The following FSTL5 variants were observed in gnomAD, a reference collection of about 807,000 sequenced individuals.
The protein encoded by FSTL5 is follistatin like 5.
Under a neutral mutation model 89.1 loss-of-function variants are expected in FSTL5, and 62 were observed. That is an observed-to-expected ratio of 0.70 (90% CI 0.57 to 0.86). The LOEUF is 0.86. Among genes scored for constraint, FSTL5 ranks in the 40% least tolerant of loss-of-function variants. FSTL5 has a pLI of 0.00. For synonymous variants in FSTL5, 383 were observed against 346.2 expected, an observed-to-expected ratio of 1.11 and a Z score of -1.18; for missense variants, 1,057 against 1,001.6, an observed-to-expected ratio of 1.06 and a Z score of -0.75.
chr4:161,729,074 A>G (rs1282950761), intron 6 of FSTL5, among the ~76,000 whole-genome samples: 2 of 152,092 alleles, frequency 1.3e-5, no homozygotes, highest in East Asian at 3.9e-4. Flanking sequence ...AGGCCAGCTG[A>G]GCCTGACTCT....
At chr4:162,132,766 T>G (rs190825544) in intron 1 of FSTL5, among the ~76,000 whole-genome samples, 1 of 152,344 alleles carries the variant, frequency 6.6e-6, no homozygotes, top group East Asian at 1.9e-4. Flanking sequence ...CCATCTGCTC[T>G]CCAGGTGAAG....
intron 7 of FSTL5, among the ~76,000 whole-genome samples, chr4:161,615,684 C>T (rs1212307934): frequency 6.6e-6 from 1 of 151,870 alleles, no homozygotes; most frequent in Non-Finnish European, 1.5e-5. Context: ...TTTTATTTCC[C>T]ACAAAAACAT....
At chr4:161,497,412 A>G (rs1003939778) in intron 12 of FSTL5, among the ~76,000 whole-genome samples, 11 of 152,048 alleles carry the variant, frequency 7.2e-5, no homozygotes, top group Admixed American at 6.6e-5. Flanking sequence ...TTTAAATATT[A>G]TTCTTAGTTC....
intron 15 of FSTL5, among the ~76,000 whole-genome samples, chr4:161,409,234 C>T (rs978810272): frequency 2.0e-5 from 3 of 152,092 alleles, no homozygotes; most frequent in Admixed American, 2.0e-4. Context: ...TCCTTATAAG[C>T]TAGAAGAGAC....
intron 2 of FSTL5, among the ~76,000 whole-genome samples, chr4:162,110,398 A>G (rs1731389155): frequency 6.6e-6 from 1 of 151,966 alleles, no homozygotes; most frequent in Admixed American, 6.6e-5. Flanking sequence ...TTTGATACTT[A>G]CAAAATAATT....
At chr4:161,566,233 A>G (rs1328750737) in intron 8 of FSTL5, among the ~76,000 whole-genome samples, 1 of 150,438 alleles carries the variant, frequency 6.6e-6, no homozygotes, top group Non-Finnish European at 1.5e-5. Flanking sequence ...AACTGTAAGC[A>G]ATTATCCTAA....
intron 15 of FSTL5, among the ~76,000 whole-genome samples, chr4:161,404,659 A>G (rs1422049440): frequency 6.6e-6 from 1 of 152,088 alleles, no homozygotes; most frequent in Non-Finnish European, 1.5e-5. Context: ...AAATGACAGT[A>G]CGTAACAATA....
intron 7 of FSTL5, among the ~76,000 whole-genome samples, chr4:161,631,576 C>G (rs1735507747): frequency 6.6e-6 from 1 of 152,146 alleles, no homozygotes; most frequent in Non-Finnish European, 1.5e-5. Flanking sequence ...TAGATCGTAC[C>G]ATTTCACTCC....
chr4:162,050,518 TAATA>T (rs1738344684), intron 2 of FSTL5, among the ~76,000 whole-genome samples: 2 of 150,090 alleles, frequency 1.3e-5, no homozygotes, highest in Non-Finnish European at 3.0e-5. Context: ...ATAATTTAAT[TAATA>T]AATTAAATAA....
At chr4:162,058,522 G>C (rs1738626591) in intron 2 of FSTL5, among the ~76,000 whole-genome samples, 1 of 47,884 alleles carries the variant, frequency 2.1e-5, no homozygotes, top group Non-Finnish European at 4.5e-5. Flanking sequence ...CGCCTCCCAG[G>C]TTCAAGCAAT....
At chr4:161,915,200 A>T (rs1343145949) in intron 4 of FSTL5, among the ~76,000 whole-genome samples, 1 of 152,104 alleles carries the variant, frequency 6.6e-6, no homozygotes, top group Non-Finnish European at 1.5e-5. Context: ...ATAATTTAAC[A>T]TTTGTGAAAT....
At chr4:161,820,881 A>T (rs1191627818) in intron 4 of FSTL5, among the ~76,000 whole-genome samples, 1 of 152,092 alleles carries the variant, frequency 6.6e-6, no homozygotes, top group Admixed American at 6.5e-5. Context: ...TTGTTACAAC[A>T]CTTAGTATTC....
At chr4:161,993,224 A>C (rs1166083174) in intron 3 of FSTL5, among the ~76,000 whole-genome samples, 6 of 151,904 alleles carry the variant, frequency 3.9e-5, no homozygotes, top group Admixed American at 1.3e-4. Flanking sequence ...TCATCTAACT[A>C]AACTCATTTT....
At chr4:161,824,607 T>G (rs771198605) in intron 4 of FSTL5, among the ~76,000 whole-genome samples, 1 of 152,212 alleles carries the variant, frequency 6.6e-6, no homozygotes, top group African/African-American at 2.4e-5. Flanking sequence ...CATCTATGAT[T>G]TCTTTCAGCA....
At chr4:161,533,953 C>A (rs887538679) in intron 10 of FSTL5, among the ~76,000 whole-genome samples, 2 of 151,798 alleles carry the variant, frequency 1.3e-5, no homozygotes, top group African/African-American at 4.8e-5. Context: ...ATGTAATTCA[C>A]CACACAAATA....
Position 161,859,912 on chromosome 4 carries a change from C to T in FSTL5, c.409+60492G>A, listed in dbSNP as rs923908502. 6.6e-5 allele frequency among the ~76,000 whole-genome samples: 10 copies of T among 152,112 alleles called. No homozygotes were observed. The East Asian group carries it at 7.7e-4, about 12-fold the overall frequency. On this transcript the variant is annotated intron_variant, in intron 4 of 15. Transcript: ENST00000306100. ...AACAATTAAATTAAGGACTACAGAA[C>T]GAAATGAATGTATTAAATGGAAAAG...
At chr4:162,119,220 C>T (rs1731763180) in intron 1 of FSTL5, among the ~76,000 whole-genome samples, 1 of 144,102 alleles carries the variant, frequency 6.9e-6, no homozygotes, top group South Asian at 2.4e-4. Flanking sequence ...GAGTGAGATC[C>T]TATCTCTCTT....
chr4:161,773,609 T>C (rs767159901), intron 5 of FSTL5, among the ~76,000 whole-genome samples: 2 of 152,106 alleles, frequency 1.3e-5, no homozygotes, highest in Admixed American at 1.3e-4. Flanking sequence ...ACATCACTAA[T>C]GGTCAGGGAA....
At chr4:162,120,508 T>C (rs969989090) in intron 1 of FSTL5, among the ~76,000 whole-genome samples, 1 of 152,068 alleles carries the variant, frequency 6.6e-6, no homozygotes, top group African/African-American at 2.4e-5. Flanking sequence ...TCCTAGAGAC[T>C]TAGTCCAACC....
Sources: allele counts gnomAD v4.1 joint callset (sites outside exome capture counted in the v4.1 genomes callset), GRCh38; gene constraint gnomAD v4.1.1; transcripts MANE v1.5; gene names NCBI Gene and HGNC (gene_info 2026-07-23, HGNC 2026-07-21).